Variants in NRG1 observed in about 807,000 individuals in gnomAD.
NRG1 encodes the protein neuregulin 1, also known as pro-neuregulin-1, membrane-bound isoform.
A neutral mutation model predicts 63.8 loss-of-function variants in NRG1; 18 were observed. The observed-to-expected ratio is 0.28, with a 90% confidence interval of 0.19 to 0.42. The LOEUF is 0.42. NRG1 is among the 10% of genes least tolerant of loss of function. NRG1 has a pLI of 1.00. For synonymous variants in NRG1, 302 were observed against 301.3 expected (o/e 1.00, Z -0.02); for missense variants, 762 against 814.7 (o/e 0.94, Z 0.79).
At chr8:32,570,685 G>C (rs4733360) in intron 1 of NRG1, among the ~76,000 whole-genome samples, 31,237 of 152,018 alleles carry the variant, frequency 0.21, 3,903 homozygotes, top group Admixed American at 0.33. Flanking sequence ...GCTTCAGAAA[G>C]TCCTAATTTC....
At chr8:32,515,329 T>A (rs1235608184) in intron 1 of NRG1, among the ~76,000 whole-genome samples, 1 of 152,158 alleles carries the variant, frequency 6.6e-6, no homozygotes, top group African/African-American at 2.4e-5. Flanking sequence ...CTCTTTGTGG[T>A]TTTGAATTGC....
chr8:32,743,812 G>C (rs1319257446), intron 7 of NRG1, among the ~76,000 whole-genome samples: 1 of 151,820 alleles, frequency 6.6e-6, no homozygotes, highest in African/African-American at 2.4e-5. Context: ...AGTTATCCTT[G>C]TAGATGAAAG....
At chr8:32,706,143 A>G (rs1816347207) in intron 5 of NRG1, among the ~76,000 whole-genome samples, 1 of 152,186 alleles carries the variant, frequency 6.6e-6, no homozygotes, top group Non-Finnish European at 1.5e-5. Flanking sequence ...TTTCACAAAA[A>G]CTAAATCTTT....
rs868221538 is a variant in NRG1 at position 32,318,673 on chromosome 8, T to C, written c.38-277155T>C. Among the ~76,000 whole-genome samples, 43 of 152,186 alleles carry C rather than the reference T, an allele frequency of 2.8e-4. 1 individual carries two copies. Among genetic ancestry groups the C allele is most frequent in the African/African-American group, 9.2e-4 (38 of 41,448 alleles). On this transcript the variant is annotated intron_variant, in intron 1 of 10. Transcript: ENST00000519301. Reference sequence around the variant, plus strand: ...CACTTACAAAGCAGTTTATGTACATTTTTCCACACTTATGTACCAAAACGT... The same window carrying C: ...CACTTACAAAGCAGTTTATGTACATCTTTCCACACTTATGTACCAAAACGT...
intron 1 of NRG1, among the ~76,000 whole-genome samples, chr8:32,200,755 A>C (rs1209046039): frequency 1.3e-5 from 2 of 152,158 alleles, no homozygotes; most frequent in Non-Finnish European, 2.9e-5. Flanking sequence ...CGGCATGTAG[A>C]GTCTCACTCA....
chr8:32,175,710 C>G (rs369196204), intron 1 of NRG1, among the ~76,000 whole-genome samples: 19 of 152,212 alleles, frequency 1.2e-4, no homozygotes, highest in African/African-American at 4.6e-4. Flanking sequence ...AGAGCCAAAT[C>G]ATGAGTGAAC....
intron 1 of NRG1, among the ~76,000 whole-genome samples, chr8:32,069,279 G>A (rs1825381292): frequency 6.6e-6 from 1 of 152,186 alleles, no homozygotes; most frequent in Admixed American, 6.5e-5. Flanking sequence ...TGTTGGAAAG[G>A]GAGAGGTAAA....
intron 5 of NRG1, among the ~76,000 whole-genome samples, chr8:32,726,288 TG>T (rs1198484483): frequency 6.6e-6 from 1 of 152,126 alleles, no homozygotes; most frequent in Admixed American, 6.5e-5. Context: ...CTTCCCTGCT[TG>T]CCCATTAATA....
chr8:31,910,349 T>A (rs1232275903), intron 1 of NRG1, among the ~76,000 whole-genome samples: 1 of 152,174 alleles, frequency 6.6e-6, no homozygotes, highest in South Asian at 2.1e-4. Flanking sequence ...ATATGCTATA[T>A]CTTGAGTCTT....
At chr8:31,713,226 C>T (rs1394875317) in intron 1 of NRG1, among the ~76,000 whole-genome samples, 4 of 150,210 alleles carry the variant, frequency 2.7e-5, no homozygotes, top group African/African-American at 9.8e-5. Flanking sequence ...ACGCCATTCT[C>T]CTGCCTCAGC....
intron 1 of NRG1, among the ~76,000 whole-genome samples, chr8:32,044,713 ACAGT>A (rs1212078138): frequency 1.4e-5 from 2 of 146,338 alleles, no homozygotes; most frequent in Non-Finnish European, 3.0e-5. Flanking sequence ...TAAATACTCT[ACAGT>A]CAAAGAAGAA....
intron 1 of NRG1, among the ~76,000 whole-genome samples, chr8:32,559,574 C>G (rs1835954746): frequency 6.6e-6 from 1 of 152,044 alleles, no homozygotes; most frequent in Admixed American, 6.6e-5. Context: ...TGGATACAGG[C>G]TTTCTTTTCA....
intron 1 of NRG1, among the ~76,000 whole-genome samples, chr8:32,177,831 T>C (rs2132075117): frequency 6.6e-6 from 1 of 152,242 alleles, no homozygotes; most frequent in South Asian, 2.1e-4. Flanking sequence ...CTGCTTGTGC[T>C]ATTGAATAAT....
intron 5 of NRG1, among the ~76,000 whole-genome samples, chr8:32,624,174 A>G (rs968708117): frequency 3.3e-5 from 5 of 152,244 alleles, no homozygotes; most frequent in African/African-American, 1.2e-4. Flanking sequence ...AAAAGAAGAG[A>G]AAGTCTACTC....
At chr8:32,484,985 AAAG>A (rs1384310459) in intron 1 of NRG1, among the ~76,000 whole-genome samples, 3 of 152,222 alleles carry the variant, frequency 2.0e-5, no homozygotes, top group African/African-American at 2.4e-5. Context: ...ATTCTTGTGC[AAAG>A]AAGGATTCCA....
intron 1 of NRG1, among the ~76,000 whole-genome samples, chr8:31,893,303 A>G (rs1315004348): frequency 2.6e-5 from 4 of 151,574 alleles, no homozygotes; most frequent in Non-Finnish European, 1.5e-5. Context: ...TAAATTTCAT[A>G]TAGATTTTAA....
At chr8:32,420,508 G>T (rs778902537) in intron 1 of NRG1, among the ~76,000 whole-genome samples, 1 of 150,576 alleles carries the variant, frequency 6.6e-6, no homozygotes, top group Non-Finnish European at 1.5e-5. Flanking sequence ...CTTGATGATG[G>T]GTGACCACCC....
intron 1 of NRG1, among the ~76,000 whole-genome samples, chr8:32,072,550 TTTAA>T (rs1253614101): frequency 1.3e-5 from 2 of 151,634 alleles, no homozygotes; most frequent in South Asian, 2.1e-4. Flanking sequence ...TTGAAATTCT[TTTAA>T]TTGTTTTTTA....
intron 1 of NRG1, among the ~76,000 whole-genome samples, chr8:32,388,035 G>A (rs767122586): frequency 4.6e-5 from 7 of 152,188 alleles, no homozygotes; most frequent in Non-Finnish European, 8.8e-5. Context: ...CAGGTGACCT[G>A]AAAGCCAGGT....
Sources: gnomAD v4.1 joint callset for allele counts (sites outside exome capture counted in the v4.1 genomes callset) on GRCh38, gnomAD v4.1.1 for gene constraint, MANE v1.5 for transcripts, NCBI Gene and HGNC (gene_info 2026-07-23, HGNC 2026-07-21) for gene names.